The following CRYBG3 variants were observed in gnomAD, a reference collection of about 807,000 sequenced individuals.
The protein encoded by CRYBG3 is crystallin beta-gamma domain containing 3, also known as very large A-kinase anchor protein.
In CRYBG3, 127 loss-of-function variants were observed where a neutral mutation model predicts 244.2. The ratio of observed to expected loss-of-function variants is 0.52; its 90% CI spans 0.45 to 0.60. CRYBG3 has a LOEUF of 0.60. Ranked by LOEUF, CRYBG3 falls within the 20% of genes least tolerant of loss-of-function variation. The pLI is 0.00. For missense variants in CRYBG3, 3,325 were observed against 3,442.5 expected (o/e 0.97, Z 0.85); for synonymous variants, 1,132 against 1,195.8 (o/e 0.95, Z 1.10).
chr3:97,865,405 C>CAGTTCTTTATAGTTTCCAGGA (rs2039215411), intron 3 of CRYBG3, among the ~76,000 whole-genome samples: 1 of 152,098 alleles, frequency 6.6e-6, no homozygotes, highest in Non-Finnish European at 1.5e-5. Flanking sequence ...TATAATTATA[C>CAGTTCTTTATAGTTTCCAGGA]AGTTCTTTAT....
chr3:97,898,822 A>T, intron 12 of CRYBG3, 61 bp from the exon 13 acceptor site: 3 of 1,223,636 alleles, frequency 2.5e-6, no homozygotes, highest in Non-Finnish European at 2.3e-6. Context: ...TTTGCTAGAT[A>T]ATAGCAGTCC....
At chr3:97,910,892 A>T (rs976581870) in intron 15 of CRYBG3, among the ~76,000 whole-genome samples, 14 of 152,178 alleles carry the variant, frequency 9.2e-5, no homozygotes, top group African/African-American at 3.1e-4. Flanking sequence ...AAAAAACCTA[A>T]GTATGTCTTG....
chr3:97,895,634 AT>A (rs2039631372), intron 11 of CRYBG3, among the ~76,000 whole-genome samples: 1 of 152,196 alleles, frequency 6.6e-6, no homozygotes, highest in Non-Finnish European at 1.5e-5. Flanking sequence ...CATTGGCTAT[AT>A]GCACTTTGTA....
At chr3:97,904,336 C>T (rs1015312479) in intron 15 of CRYBG3, among the ~76,000 whole-genome samples, 3 of 152,064 alleles carry the variant, frequency 2.0e-5, no homozygotes, top group African/African-American at 4.8e-5. Flanking sequence ...AAGCATTTAA[C>T]CCAGTTTTTA....
chr3:97,864,781 T>G (rs2039202704), intron 3 of CRYBG3, 134 bp downstream of exon 3: 2 of 640,010 alleles, frequency 3.1e-6, no homozygotes, highest in Admixed American at 3.0e-5. Context: ...GGTAAGAAAT[T>G]GTATGATTCT....
intron 8 of CRYBG3, 40 bp downstream of exon 8, chr3:97,886,807 A>T: frequency 6.8e-7 from 1 of 1,472,690 alleles, no homozygotes; most frequent in Non-Finnish European, 9.1e-7. Flanking sequence ...ATTGATGGCC[A>T]CCAATTTCAT....
intron 2 of CRYBG3, among the ~76,000 whole-genome samples, chr3:97,852,516 G>T (rs1026153329): frequency 1.3e-5 from 2 of 152,250 alleles, no homozygotes; most frequent in Admixed American, 1.3e-4. Flanking sequence ...AACAGGGAGG[G>T]TTGGTAACTC....
chr3:97,845,686 A>G (rs2038890281), intron 2 of CRYBG3, among the ~76,000 whole-genome samples: 1 of 152,172 alleles, frequency 6.6e-6, no homozygotes, highest in African/African-American at 2.4e-5. Context: ...CATCTTGACT[A>G]CAACATGTGC....
chr3:97,929,782 G>C (rs1197628509), intron 17 of CRYBG3, among the ~76,000 whole-genome samples: 1 of 151,876 alleles, frequency 6.6e-6, no homozygotes, highest in Admixed American at 6.6e-5. Flanking sequence ...TATATAAGCT[G>C]TTAAAATGTT....
chr3:97,938,175 T>G (rs1024584242), intron 19 of CRYBG3, among the ~76,000 whole-genome samples: 1 of 116,692 alleles, frequency 8.6e-6, no homozygotes, highest in Non-Finnish European at 2.0e-5. Context: ...ATCCCCATTT[T>G]CTAGTTGGAA....
chr3:97,896,637 G>A (rs1371560586), intron 12 of CRYBG3, among the ~76,000 whole-genome samples: 1 of 152,148 alleles, frequency 6.6e-6, no homozygotes, highest in African/African-American at 2.4e-5. Context: ...TAAAGTCAAG[G>A]TTATAACCCA....
chr3:97,829,148 G>A (rs978748676), intron 1 of CRYBG3, among the ~76,000 whole-genome samples: 20 of 152,130 alleles, frequency 1.3e-4, no homozygotes, highest in African/African-American at 4.8e-4. Context: ...ACAAGAGAAT[G>A]TATGATCCTG....
At chr3:97,863,251 AGT>A (rs1455911714) in intron 2 of CRYBG3, among the ~76,000 whole-genome samples, 2 of 152,146 alleles carry the variant, frequency 1.3e-5, no homozygotes, top group Non-Finnish European at 2.9e-5. Context: ...CAATTACGTA[AGT>A]GAGCATGTTT....
chr3:97,936,303 T>A (rs1478570553), intron 18 of CRYBG3, among the ~76,000 whole-genome samples: 1 of 151,926 alleles, frequency 6.6e-6, no homozygotes, highest in Non-Finnish European at 1.5e-5. Flanking sequence ...ATGGAGAACT[T>A]CTGTGAACAA....
intron 17 of CRYBG3, chr3:97,924,536 C>T (rs2040018305): frequency 2.7e-6 from 1 of 364,070 alleles, no homozygotes; most frequent in South Asian, 2.1e-5. Context: ...ATTGGTCTTA[C>T]TGTGGTAAAA....
chr3:97,856,297 TTCTTTTTTCAAGGTGCCCAGA>T (rs2039063274), intron 2 of CRYBG3, among the ~76,000 whole-genome samples: 1 of 152,184 alleles, frequency 6.6e-6, no homozygotes, highest in Non-Finnish European at 1.5e-5. Flanking sequence ...TGTTATCCTG[TTCTTTTTTCAAGGTGCCCAGA>T]TTTCATATTG....
chr3:97,859,707 T>C (rs1310655354), intron 2 of CRYBG3, among the ~76,000 whole-genome samples: 1 of 152,102 alleles, frequency 6.6e-6, no homozygotes, highest in East Asian at 1.9e-4. Flanking sequence ...CCTTTTTGTC[T>C]CTCCTTCAGC....
chr3:97,864,578 C>A lies in CRYBG3; in HGVS notation c.578C>A (p.Ser193Tyr). 6.5e-7 allele frequency: 1 copy of A among 1,535,784 alleles called. No homozygotes were observed. ...ACAGAAGAACAAGACTCTAACTCAT[C>A]CGAACTCTCAGATGCTTTTTCTTTG... ...HPTEEQDSNSSELSDAFSLDT... is the reference protein window; with the variant it reads ...HPTEEQDSNSYELSDAFSLDT... Residue 193 changes from serine (S) to tyrosine (Y), a missense_variant, in exon 3 of 22, where the codon TCC (serine) becomes TAC (tyrosine). Coordinates refer to ENST00000389622, the MANE Select transcript of CRYBG3 (RefSeq NM_153605.4).
intron 1 of CRYBG3, among the ~76,000 whole-genome samples, chr3:97,824,341 A>G (rs2038550602): frequency 6.6e-6 from 1 of 152,236 alleles, no homozygotes; most frequent in South Asian, 2.1e-4. Flanking sequence ...AACTTTTATC[A>G]TTATGAGAGC....
Sources: gnomAD v4.1 joint callset for allele counts (sites outside exome capture counted in the v4.1 genomes callset) on GRCh38, gnomAD v4.1.1 for gene constraint, MANE v1.5 for transcripts, NCBI Gene and HGNC (gene_info 2026-07-23, HGNC 2026-07-21) for gene names.